ARPP21: variants seen among roughly 807,000 people sequenced by gnomAD.
ARPP21 encodes cAMP-regulated phosphoprotein 21.
ARPP21 carries 69 observed loss-of-function variants against 113.2 expected under a neutral mutation model. The observed-to-expected ratio is 0.61, with a 90% confidence interval of 0.50 to 0.74. ARPP21 has a LOEUF of 0.74. Ranked by LOEUF, ARPP21 falls within the 30% of genes least tolerant of loss-of-function variation. The probability of loss-of-function intolerance (pLI) is 0.00; values close to 1 mark genes in which losing one functional copy is unlikely to be tolerated. For missense variants in ARPP21, 1,070 were observed against 1,037.4 expected, an observed-to-expected ratio of 1.03 and a Z score of -0.43; for synonymous variants, 368 against 375.5, an observed-to-expected ratio of 0.98 and a Z score of 0.23.
intron 18 of ARPP21, among the ~76,000 whole-genome samples, chr3:35,743,151 A>C (rs558869259): frequency 1.1e-4 from 17 of 152,280 alleles, no homozygotes; most frequent in Non-Finnish European, 2.2e-4. Context: ...TCATGATTGC[A>C]TTCTCTGCTC....
intron 1 of ARPP21, among the ~76,000 whole-genome samples, chr3:35,651,340 A>G (rs958284798): frequency 3.3e-5 from 5 of 152,092 alleles, no homozygotes; most frequent in Admixed American, 1.3e-4. Flanking sequence ...CTACTTTTTG[A>G]AATTACCTGT....
At chr3:35,746,562 C>A (rs868790043) in intron 19 of ARPP21, among the ~76,000 whole-genome samples, 1 of 152,210 alleles carries the variant, frequency 6.6e-6, no homozygotes, top group Non-Finnish European at 1.5e-5. Flanking sequence ...CATGTTTTAA[C>A]TTGTTCTTCC....
At chr3:35,737,684 G>A (rs529750609) in intron 16 of ARPP21, among the ~76,000 whole-genome samples, 10 of 152,138 alleles carry the variant, frequency 6.6e-5, no homozygotes, top group South Asian at 2.1e-4. Flanking sequence ...AGGTCTTTGC[G>A]TCACCTTCCT....
rs189002477 is a variant in ARPP21 at position 35,681,290 on chromosome 3, C to G, written c.-38-424C>G. ...AGGGAAGCATGTCTATGTTTGGAAC[C>G]TGCAAATAATTTTTCAGTCATCTTA... On this transcript the variant is annotated intron_variant, in intron 2 of 20. Coordinates refer to ENST00000684406, the MANE Select transcript of ARPP21 (RefSeq NM_001385562.1). 601 of 154,222 alleles carry G rather than the reference C, an allele frequency of 3.9e-3. 3 individuals are homozygous for G. The highest frequency in any genetic ancestry group is 6.9e-3 in the Non-Finnish European group (478 of 69,244). The allele number at this position is 154,222 out of a possible 1,614,324, so 9.6% of individuals were successfully genotyped here. A position where few individuals can be genotyped will look rare whatever the true frequency, so the allele number is the denominator to read the frequency against.
At position 35,764,319 on chromosome 3, in the gene ARPP21, T is replaced by C. The variant is rs564788205; in HGVS notation, c.2137+20354T>C. ...GCTTTTGCATGATAAATAGCGTTTTTAGAAATGTTTACTTTTATTATCATG... is the reference window on the plus strand; with the variant it reads ...GCTTTTGCATGATAAATAGCGTTTTCAGAAATGTTTACTTTTATTATCATG... On this transcript the variant is annotated intron_variant, in intron 19 of 20. Transcript: ENST00000684406. Among the ~76,000 whole-genome samples the C allele has an allele frequency of 2.0e-5, 3 of 152,306 alleles. No individual in the cohort carries two copies. The East Asian group carries it at 5.8e-4, about 29-fold the overall frequency.
chr3:35,716,776 C>T (rs2092461858), intron 12 of ARPP21, among the ~76,000 whole-genome samples: 1 of 151,866 alleles, frequency 6.6e-6, no homozygotes, highest in African/African-American at 2.4e-5. Flanking sequence ...CTTGAGTGTC[C>T]CTTATATTAT....
chr3:35,687,919 T>A, intron 6 of ARPP21, 36 bp downstream of exon 6: 1 of 1,560,920 alleles, frequency 6.4e-7, no homozygotes, highest in Non-Finnish European at 8.6e-7. Flanking sequence ...TTACTCAATT[T>A]GGGCACACAC....
chr3:35,715,527 G>T, intron 12 of ARPP21, 51 bp downstream of exon 12: 1 of 1,413,660 alleles, frequency 7.1e-7, no homozygotes, highest in Non-Finnish European at 1.0e-6. Context: ...CGTCTGTCAT[G>T]TGTGTCTTGT....
intron 9 of ARPP21, among the ~76,000 whole-genome samples, chr3:35,704,945 C>A (rs1049980530): frequency 6.6e-6 from 1 of 152,044 alleles, no homozygotes; most frequent in Non-Finnish European, 1.5e-5. Context: ...CAATCTATAA[C>A]AAATTCACTT....
intron 15 of ARPP21, among the ~76,000 whole-genome samples, chr3:35,731,339 T>G (rs1352399134): frequency 6.6e-6 from 1 of 152,136 alleles, no homozygotes; most frequent in African/African-American, 2.4e-5. Flanking sequence ...TTGGACCGAG[T>G]CATTTAGAGC....
chr3:35,717,256 C>A, intron 12 of ARPP21, 42 bp from the exon 13 acceptor site: 1 of 1,177,200 alleles, frequency 8.5e-7, no homozygotes, highest in Non-Finnish European at 1.3e-6. Flanking sequence ...CATTTAGTAC[C>A]CTTAGGTTTT....
Position 35,737,220 on chromosome 3 carries a change from A to G in ARPP21, c.1502A>G (p.Asn501Ser). ...VNPDGTPAIY[N>S]PPTSQQPLRS... ...CCCGATGGAACTCCTGCAATATACA[A>G]CCCACCCACCAGTCAGCAGCCCCTG... The change falls in exon 16 of 21, where the codon AAC (asparagine) becomes AGC (serine). Residue 501 changes from asparagine to serine, a missense_variant. Coordinates refer to ENST00000684406, the MANE Select transcript of ARPP21 (RefSeq NM_001385562.1). 6.2e-7 allele frequency: 1 copy of G among 1,612,464 alleles called. No homozygotes were observed. Among genetic ancestry groups the G allele is most frequent in the Non-Finnish European group, 8.5e-7 (1 of 1,179,034 alleles).
chr3:35,759,358 CT>C (rs1288585133), intron 19 of ARPP21, among the ~76,000 whole-genome samples: 1 of 152,062 alleles, frequency 6.6e-6, no homozygotes, highest in Non-Finnish European at 1.5e-5. Context: ...TTTCCTGTAT[CT>C]TTTACTTACT....
chr3:35,668,722 G>C (rs1297674278), intron 1 of ARPP21, among the ~76,000 whole-genome samples: 1 of 152,108 alleles, frequency 6.6e-6, no homozygotes, highest in Non-Finnish European at 1.5e-5. Flanking sequence ...ACTAAAAGTA[G>C]TCATTTATGT....
At position 35,708,978 on chromosome 3, in the gene ARPP21, A is replaced by C; in HGVS notation, c.805A>C (p.Met269Leu). Residue 269 changes from methionine to leucine, a missense_variant, in exon 11 of 21, where the codon ATG becomes CTG. By Grantham distance (15) the Met-to-Leu change is conservative. Transcript: ENST00000684406. ...IDKEDNQQNR[M>L]HPFRDDRRSK... ...TCTTTTTTCTGTTCAGCAAAACAGA[A>C]TGCATCCATTTAGAGATGACAGACG... The C allele has an allele frequency of 6.2e-7, 1 of 1,613,096 alleles. No homozygotes were observed. The highest frequency in any genetic ancestry group is 8.5e-7 in the Non-Finnish European group (1 of 1,179,286).
At chr3:35,724,819 C>T (rs1453665883) in intron 14 of ARPP21, among the ~76,000 whole-genome samples, 1 of 152,100 alleles carries the variant, frequency 6.6e-6, no homozygotes, top group Non-Finnish European at 1.5e-5. Context: ...ACTAACACAT[C>T]GTGGATATTC....
chr3:35,699,393 T>C (rs1408804930), intron 9 of ARPP21, among the ~76,000 whole-genome samples: 1 of 151,588 alleles, frequency 6.6e-6, no homozygotes, highest in East Asian at 1.9e-4. Flanking sequence ...CTTTGGGAAG[T>C]TTTAGAGAAT....
intron 10 of ARPP21, 136 bp downstream of exon 10, chr3:35,707,218 C>T: frequency 1.5e-6 from 1 of 660,624 alleles, no homozygotes; most frequent in Non-Finnish European, 2.7e-6. Context: ...CTATCTCCAA[C>T]CTCCTTCTCC....
At chr3:35,648,009 C>T (rs1700895321) in intron 1 of ARPP21, among the ~76,000 whole-genome samples, 2 of 152,110 alleles carry the variant, frequency 1.3e-5, no homozygotes, top group South Asian at 4.1e-4. Context: ...TAAGGATCCC[C>T]ACCTCCATTT....
Sources: allele counts gnomAD v4.1 joint callset (sites outside exome capture counted in the v4.1 genomes callset), GRCh38; gene constraint gnomAD v4.1.1; transcripts MANE v1.5; gene names NCBI Gene and HGNC (gene_info 2026-07-23, HGNC 2026-07-21).